CEP63: variants seen among roughly 807,000 people sequenced by gnomAD.
CEP63 encodes centrosomal protein of 63 kDa.
A neutral mutation model predicts 89.1 loss-of-function variants in CEP63; 84 were observed. The ratio of observed to expected loss-of-function variants is 0.94; its 90% confidence interval spans 0.79 to 1.13. CEP63 has a LOEUF of 1.13. Among genes scored for constraint, CEP63 ranks in the 50% most tolerant of loss-of-function variants. The pLI is 0.00. For synonymous variants in CEP63, 267 were observed against 272.5 expected (o/e 0.98, Z 0.20); for missense variants, 838 against 813.3 (o/e 1.03, Z -0.37).
chr3:134,697,336 T>C, the CEP63 span, among the ~76,000 whole-genome samples: 2 of 152,106 alleles, frequency 1.3e-5, no homozygotes, highest in Non-Finnish European at 2.9e-5. Context: ...CATAACACTG[T>C]GGGATAAAAC....
chr3:134,488,697 T>C (rs1281748608), intron 1 of CEP63, among the ~76,000 whole-genome samples: 1 of 152,194 alleles, frequency 6.6e-6, no homozygotes, highest in Non-Finnish European at 1.5e-5. Context: ...ATGTGTTATT[T>C]CCGCCCTGTC....
intron 3 of CEP63, among the ~76,000 whole-genome samples, chr3:134,530,000 A>C (rs1949539274): frequency 6.6e-6 from 1 of 151,048 alleles, no homozygotes; most frequent in Admixed American, 6.6e-5. Flanking sequence ...TGGCCTCCCG[A>C]GTAGCTGGGA....
the CEP63 span, among the ~76,000 whole-genome samples, chr3:134,673,883 C>G: frequency 3.3e-5 from 5 of 152,336 alleles, no homozygotes; most frequent in East Asian, 9.6e-4. Context: ...TACCTGTGGT[C>G]TATCAATCAC....
At chr3:134,514,475 A>C (rs1945768440) in intron 3 of CEP63, among the ~76,000 whole-genome samples, 1 of 152,216 alleles carries the variant, frequency 6.6e-6, no homozygotes, top group South Asian at 2.1e-4. Context: ...GAAGTCCAAG[A>C]ATCTCAAGCA....
chr3:134,762,997 G>A, the CEP63 span, among the ~76,000 whole-genome samples: 5 of 152,082 alleles, frequency 3.3e-5, no homozygotes, highest in East Asian at 5.8e-4. Context: ...GTAACACTTC[G>A]AACTGTGAAT....
chr3:134,510,632 A>G, intron 3 of CEP63: 1 of 651,390 alleles, frequency 1.5e-6, no homozygotes, highest in Non-Finnish European at 2.8e-6. Context: ...GCGGGAAGCA[A>G]GAAGAGTGCA....
chr3:134,595,324 ATTG>A, the CEP63 span, among the ~76,000 whole-genome samples: 6 of 152,072 alleles, frequency 3.9e-5, no homozygotes, highest in African/African-American at 1.2e-4. Context: ...TTCTGACATG[ATTG>A]TTAAGTTTCC....
chr3:134,537,567 A>AG (rs1951010871), intron 6 of CEP63, among the ~76,000 whole-genome samples: 1 of 151,970 alleles, frequency 6.6e-6, no homozygotes, highest in South Asian at 2.1e-4. Flanking sequence ...TTGCTTACTC[A>AG]GGCTCACTCT....
At chr3:134,726,575 C>CG in the CEP63 span, among the ~76,000 whole-genome samples, 4 of 152,136 alleles carry the variant, frequency 2.6e-5, no homozygotes, top group South Asian at 8.3e-4. Flanking sequence ...CTCCTTGCAG[C>CG]ATAACACATC....
At chr3:134,729,326 C>T in the CEP63 span, among the ~76,000 whole-genome samples, 2 of 152,134 alleles carry the variant, frequency 1.3e-5, no homozygotes, top group Non-Finnish European at 2.9e-5. Flanking sequence ...TTATATTCTC[C>T]CTTTCTTATA....
chr3:134,761,652 C>T, the CEP63 span, among the ~76,000 whole-genome samples: 4 of 152,178 alleles, frequency 2.6e-5, no homozygotes, highest in Non-Finnish European at 5.9e-5. Context: ...TCTATGACAG[C>T]TTTTTCAGCA....
At chr3:134,492,716 C>CT (rs887153527) in intron 1 of CEP63, among the ~76,000 whole-genome samples, 2 of 151,756 alleles carry the variant, frequency 1.3e-5, no homozygotes, top group Non-Finnish European at 2.9e-5. Flanking sequence ...AGTTTAATTT[C>CT]TTTTTTTATT....
chr3:134,497,617 G>A (rs1234514788), intron 2 of CEP63, among the ~76,000 whole-genome samples: 1 of 152,138 alleles, frequency 6.6e-6, no homozygotes, highest in Non-Finnish European at 1.5e-5. Flanking sequence ...TGATCCTCCT[G>A]CCTCAGCCTC....
At chr3:134,520,120 G>A (rs1947126606) in intron 3 of CEP63, among the ~76,000 whole-genome samples, 1 of 151,996 alleles carries the variant, frequency 6.6e-6, no homozygotes, top group Non-Finnish European at 1.5e-5. Flanking sequence ...AAAGACATAA[G>A]GATTAGAGAG....
the CEP63 span, among the ~76,000 whole-genome samples, chr3:134,673,784 G>T: frequency 6.6e-6 from 1 of 152,060 alleles, no homozygotes; most frequent in African/African-American, 2.4e-5. Flanking sequence ...ACAGACTTAT[G>T]CACAGGCACA....
At chr3:134,553,215 G>A (rs1005130851) in intron 12 of CEP63, 1 of 152,034 alleles carries the variant, frequency 6.6e-6, no homozygotes, top group African/African-American at 2.4e-5. Flanking sequence ...GTGGATACTG[G>A]GGTGGAAGAA....
chr3:134,674,832 T>C, the CEP63 span, among the ~76,000 whole-genome samples: 1 of 152,120 alleles, frequency 6.6e-6, no homozygotes, highest in African/African-American at 2.4e-5. Flanking sequence ...GGCATCAAAA[T>C]GAATAAAATA....
chr3:134,694,184 A>T, the CEP63 span, among the ~76,000 whole-genome samples: 2 of 152,024 alleles, frequency 1.3e-5, no homozygotes, highest in Admixed American at 6.5e-5. Flanking sequence ...GGTAAGGTGG[A>T]CTCCATGCTA....
chr3:134,641,231 G>A, the CEP63 span: 1 of 152,216 alleles, frequency 6.6e-6, no homozygotes, highest in Admixed American at 6.5e-5. Flanking sequence ...CCCTGGGATA[G>A]GCTGAAGAAT....
Sources: gnomAD v4.1 joint callset for allele counts (sites outside exome capture counted in the v4.1 genomes callset) on GRCh38, gnomAD v4.1.1 for gene constraint, MANE v1.5 for transcripts, NCBI Gene and HGNC (gene_info 2026-07-23, HGNC 2026-07-21) for gene names.